Variants in RBMS3 observed in about 807,000 individuals in gnomAD.
The protein encoded by RBMS3 is RNA binding motif single stranded interacting protein 3.
Under a neutral mutation model 66.8 loss-of-function variants are expected in RBMS3, and 27 were observed. The observed-to-expected ratio is 0.40, with a 90% CI of 0.30 to 0.56. The LOEUF (loss-of-function observed/expected upper bound fraction) is 0.56. RBMS3 is among the 20% of genes least tolerant of loss of function. The pLI is 0.40. For synonymous variants in RBMS3, 188 were observed against 183.0 expected, an observed-to-expected ratio of 1.03 and a Z score of -0.22; for missense variants, 513 against 549.5, an observed-to-expected ratio of 0.93 and a Z score of 0.66.
At position 29,997,537 on chromosome 3, in the gene RBMS3, G is replaced by T. The variant is rs531501317; in HGVS notation, c.1308-6319G>T. On this transcript the variant is annotated intron_variant, in intron 14 of 14. Transcript: ENST00000383767. ...ATCCTCAATAAAATACTGGCAAAAC[G>T]AATCCAGCAGCACATCAAAAAGCTT... Among the ~76,000 whole-genome samples the T allele has an allele frequency of 3.7e-3, 561 of 150,282 alleles. 1 individual carries two copies. Among genetic ancestry groups the T allele is most frequent in the African/African-American group, 0.013 (533 of 40,196 alleles).
intron 4 of RBMS3, among the ~76,000 whole-genome samples, chr3:29,711,010 A>G (rs1243378131): frequency 6.6e-6 from 1 of 151,832 alleles, no homozygotes; most frequent in East Asian, 1.9e-4. Flanking sequence ...CTCCCCCCTT[A>G]TTTGCACAGG....
At chr3:29,397,812 C>A (rs2039624366) in intron 1 of RBMS3, among the ~76,000 whole-genome samples, 1 of 152,026 alleles carries the variant, frequency 6.6e-6, no homozygotes, top group Non-Finnish European at 1.5e-5. Context: ...GCCTCCCGAG[C>A]AGCTGGAACT....
At chr3:29,747,397 GATAGATAGATAGA>G (rs1559631027) in intron 5 of RBMS3, among the ~76,000 whole-genome samples, 4 of 42,872 alleles carry the variant, frequency 9.3e-5, no homozygotes, top group African/African-American at 2.5e-4. Flanking sequence ...TAGGTAGATA[GATAGATAGATAGA>G]TAGATAGATA....
At chr3:29,493,922 T>C (rs879788885) in intron 3 of RBMS3, among the ~76,000 whole-genome samples, 5 of 152,214 alleles carry the variant, frequency 3.3e-5, no homozygotes, top group Non-Finnish European at 7.3e-5. Flanking sequence ...ATCAAGACTG[T>C]CGTCATTAGA....
At chr3:29,422,393 G>A (rs1375859637) in intron 1 of RBMS3, among the ~76,000 whole-genome samples, 136 of 47,788 alleles carry the variant, frequency 2.8e-3, no homozygotes, top group African/African-American at 0.021. Context: ...AATATCACCA[G>A]CCCAAAAAAA....
chr3:29,307,231 A>C (rs1182749990), intron 1 of RBMS3, among the ~76,000 whole-genome samples: 1 of 151,926 alleles, frequency 6.6e-6, no homozygotes, highest in Non-Finnish European at 1.5e-5. Flanking sequence ...CATAGAGCTC[A>C]TCAAAGCATT....
At chr3:29,826,146 A>T (rs148226904) in intron 6 of RBMS3, among the ~76,000 whole-genome samples, 58 of 152,298 alleles carry the variant, frequency 3.8e-4, no homozygotes, top group African/African-American at 1.4e-3. Flanking sequence ...TTAGATGGCT[A>T]TGAAAATGAA....
chr3:29,601,306 T>C (rs1207552560), intron 4 of RBMS3, among the ~76,000 whole-genome samples: 4 of 152,032 alleles, frequency 2.6e-5, no homozygotes, highest in Non-Finnish European at 5.9e-5. Context: ...CATATAATTC[T>C]TTATGCTGAA....
At chr3:29,827,514 C>T (rs1011655473) in intron 6 of RBMS3, among the ~76,000 whole-genome samples, 5 of 152,092 alleles carry the variant, frequency 3.3e-5, no homozygotes, top group African/African-American at 1.2e-4. Flanking sequence ...AATCTTTCTC[C>T]TTTGTTTCAC....
At chr3:29,667,348 A>G (rs2050810062) in intron 4 of RBMS3, among the ~76,000 whole-genome samples, 2 of 152,184 alleles carry the variant, frequency 1.3e-5, no homozygotes, top group Non-Finnish European at 2.9e-5. Context: ...TGGTATAACC[A>G]TGTAGTCTCT....
chr3:29,989,243 C>G (rs900481185), intron 13 of RBMS3, among the ~76,000 whole-genome samples: 2 of 152,032 alleles, frequency 1.3e-5, no homozygotes, highest in Non-Finnish European at 2.9e-5. Flanking sequence ...AAATCTATGC[C>G]CTCTACACAT....
intron 6 of RBMS3, among the ~76,000 whole-genome samples, chr3:29,797,119 C>T (rs1185014975): frequency 6.6e-6 from 1 of 152,134 alleles, no homozygotes. Flanking sequence ...CTGGGAAAGT[C>T]CTAGATGGCA....
At chr3:29,753,223 T>C (rs2055259682) in intron 5 of RBMS3, among the ~76,000 whole-genome samples, 2 of 152,162 alleles carry the variant, frequency 1.3e-5, no homozygotes, top group Non-Finnish European at 2.9e-5. Flanking sequence ...TGTTTACATA[T>C]GTGAAAAACA....
At chr3:29,590,432 C>T (rs751868311) in intron 4 of RBMS3, among the ~76,000 whole-genome samples, 2 of 152,046 alleles carry the variant, frequency 1.3e-5, no homozygotes, top group African/African-American at 2.4e-5. Flanking sequence ...TTCTATAAAT[C>T]ATAATACATG....
intron 3 of RBMS3, among the ~76,000 whole-genome samples, chr3:29,568,168 T>A (rs966855944): frequency 9.2e-5 from 14 of 152,188 alleles, no homozygotes; most frequent in African/African-American, 3.4e-4. Flanking sequence ...ATTACTTTTT[T>A]AAAGAGATGA....
chr3:29,856,307 G>T (rs916939423), intron 6 of RBMS3, among the ~76,000 whole-genome samples: 4 of 152,082 alleles, frequency 2.6e-5, no homozygotes, highest in Admixed American at 2.6e-4. Context: ...TGGGAAAAGC[G>T]GTCAGGAAAT....
chr3:29,534,881 G>A (rs966127004), intron 3 of RBMS3, among the ~76,000 whole-genome samples: 1 of 151,924 alleles, frequency 6.6e-6, no homozygotes, highest in East Asian at 1.9e-4. Flanking sequence ...AAGTTTTCTT[G>A]ATGGGAAAGA....
intron 7 of RBMS3, among the ~76,000 whole-genome samples, chr3:29,881,619 G>A (rs142317968): frequency 1.5e-4 from 23 of 152,266 alleles, no homozygotes; most frequent in African/African-American, 5.5e-4. Context: ...TAGGATGGGG[G>A]TTTAAGATGA....
chr3:29,542,279 AATACTTTGCCCATTTT>A (rs2045793137), intron 3 of RBMS3, among the ~76,000 whole-genome samples: 1 of 152,162 alleles, frequency 6.6e-6, no homozygotes, highest in Admixed American at 6.5e-5. Context: ...TTTCATTTTT[AATACTTTGCCCATTTT>A]TTGTCCCTTA....
Sources: allele counts gnomAD v4.1 joint callset (sites outside exome capture counted in the v4.1 genomes callset), GRCh38; gene constraint gnomAD v4.1.1; transcripts MANE v1.5; gene names NCBI Gene and HGNC (gene_info 2026-07-23, HGNC 2026-07-21).